The following FANCC variants were observed in gnomAD, a reference collection of about 807,000 sequenced individuals.
FANCC encodes the protein FA complementation group C.
A neutral mutation model predicts 71.3 loss-of-function variants in FANCC; 55 were observed. That is an observed-to-expected ratio of 0.77 (90% CI 0.62 to 0.97). FANCC has a LOEUF of 0.97. Ranked by LOEUF, FANCC falls within the 50% of genes least tolerant of loss-of-function variation. FANCC has a pLI of 0.00. For synonymous variants in FANCC, 275 were observed against 244.9 expected, an observed-to-expected ratio of 1.12 and a Z score of -1.15; for missense variants, 678 against 670.9, an observed-to-expected ratio of 1.01 and a Z score of -0.12.
rs1441497419 is a variant in FANCC at position 95,099,962 on chromosome 9, C to T, written c.*1745G>A. On this transcript the variant is annotated 3_prime_UTR_variant, in exon 15 of 15. Transcript: ENST00000289081. ...CACAGGACAGGGTGGAGGACTGTCC[C>T]AGGAGTCCCTCCACAACAGGAGGCC... The T allele has an allele frequency of 4.3e-6, 1 of 232,366 alleles. No homozygotes were observed. The highest frequency in any genetic ancestry group is 8.5e-6 in the Non-Finnish European group (1 of 117,592). 14.4% of individuals were successfully genotyped at this position (232,366 alleles called of 1,614,324 possible). A position where few individuals can be genotyped will look rare whatever the true frequency, so the allele number is the denominator to read the frequency against.
At chr9:95,266,629 T>C (rs1389854654) in intron 1 of FANCC, among the ~76,000 whole-genome samples, 2 of 152,220 alleles carry the variant, frequency 1.3e-5, no homozygotes, top group African/African-American at 4.8e-5. Flanking sequence ...TGCAGGCATT[T>C]AGGTGTGTGG....
chr9:95,290,292 C>T (rs1287704125), intron 1 of FANCC, among the ~76,000 whole-genome samples: 1 of 152,166 alleles, frequency 6.6e-6, no homozygotes, highest in Non-Finnish European at 1.5e-5. Context: ...ATATATGCTC[C>T]ATCTTGATCC....
intron 8 of FANCC, chr9:95,127,367 T>G (rs936916995): frequency 6.6e-6 from 1 of 152,188 alleles, no homozygotes; most frequent in African/African-American, 2.4e-5. Flanking sequence ...CGTAACTTTC[T>G]CGGCACCAGG....
intron 4 of FANCC, among the ~76,000 whole-genome samples, chr9:95,226,688 C>T (rs189812020): frequency 9.8e-5 from 15 of 152,298 alleles, no homozygotes; most frequent in African/African-American, 3.1e-4. Flanking sequence ...ACAAACTGCC[C>T]GGGTTCCCAG....
At position 95,125,143 on chromosome 9, in the gene FANCC, G is replaced by C; in HGVS notation, c.939C>G (p.Ala313=). ...AGCACTGCGTAAACACCTGAATAGT[G>C]GCTATGATTTCCAGGGCCCCATCGG... The part of the protein sequence containing the change: ...LETDGALEII[A]TIQVFTQCFV... Residue 313 remains alanine, a synonymous_variant, in exon 10 of 15, where the codon GCC becomes GCG. Coordinates refer to ENST00000289081, the MANE Select transcript of FANCC (RefSeq NM_000136.3). The C allele has an allele frequency of 6.2e-7, 1 of 1,614,154 alleles. No individual in the cohort carries two copies. The highest frequency in any genetic ancestry group is 8.5e-7 in the Non-Finnish European group (1 of 1,180,024).
intron 6 of FANCC, among the ~76,000 whole-genome samples, chr9:95,168,113 T>C (rs1825424807): frequency 6.6e-6 from 1 of 152,154 alleles, no homozygotes; most frequent in Non-Finnish European, 1.5e-5. Flanking sequence ...TCCCCTCCCC[T>C]CTAGTGTCCG....
rs772996041 is a variant in FANCC at position 95,150,011 on chromosome 9, C to G, written c.598G>C (p.Val200Leu). The G allele has an allele frequency of 3.5e-5, 57 of 1,613,904 alleles. No individual in the cohort carries two copies. The highest frequency in any genetic ancestry group is 4.8e-5 in the Non-Finnish European group (57 of 1,179,984). The part of the protein sequence containing the change: ...LITLTDVDPL[V>L]EALLICHGRE... Reference sequence around the variant, plus strand: ...CCATGACAGATGAGGAGAGCCTCCACCAGGGGGTCAACATCTGTCAGGGTA... The same window carrying G: ...CCATGACAGATGAGGAGAGCCTCCAGCAGGGGGTCAACATCTGTCAGGGTA... Residue 200 changes from valine to leucine, a missense_variant, in exon 7 of 15, where the codon GTG (valine) becomes CTG (leucine). Physicochemically the swap from Val to Leu is conservative, Grantham distance 32. Transcript: ENST00000289081.
chr9:95,248,522 TTTG>T (rs1490344055), intron 2 of FANCC, among the ~76,000 whole-genome samples: 9 of 152,314 alleles, frequency 5.9e-5, no homozygotes, highest in Admixed American at 1.3e-4. Context: ...ACAAGAACAC[TTTG>T]TTAAGTGACA....
intron 4 of FANCC, among the ~76,000 whole-genome samples, chr9:95,198,765 T>G (rs2098825437): frequency 6.6e-6 from 1 of 152,166 alleles, no homozygotes; most frequent in South Asian, 2.1e-4. Context: ...GACAGAGTCT[T>G]ACTAGAAACA....
intron 4 of FANCC, among the ~76,000 whole-genome samples, chr9:95,215,415 A>G (rs1050191640): frequency 1.3e-5 from 2 of 152,066 alleles, no homozygotes; most frequent in Admixed American, 1.3e-4. Context: ...GAGGATGGGA[A>G]AGAGGAGGAA....
chr9:95,304,360 T>C lies in FANCC; in HGVS notation c.-79+13166A>G, dbSNP rs140423739. Among the ~76,000 whole-genome samples, 211 of 152,248 alleles carry C rather than the reference T, an allele frequency of 1.4e-3. 1 individual carries two copies. Among genetic ancestry groups the C allele is most frequent in the African/African-American group, 4.9e-3 (205 of 41,546 alleles). The stretch of plus-strand genomic sequence containing the variant: ...TTCAAACAGGAAAGGGAGGGGTTCT[T>C]TGTACCTGCCCAGATTTTCTTCTCA... On this transcript the variant is annotated intron_variant, in intron 1 of 14. Transcript: ENST00000289081.
intron 1 of FANCC, among the ~76,000 whole-genome samples, chr9:95,290,410 A>G (rs149923537): frequency 6.6e-6 from 1 of 152,348 alleles, no homozygotes; most frequent in Non-Finnish European, 1.5e-5. Flanking sequence ...CAACACGAAC[A>G]TTAATCCTCA....
intron 4 of FANCC, among the ~76,000 whole-genome samples, chr9:95,194,596 C>T (rs567354584): frequency 3.3e-5 from 5 of 152,216 alleles, no homozygotes; most frequent in African/African-American, 1.2e-4. Context: ...TCCCCAATGG[C>T]TAATGATGTG....
chr9:95,167,970 G>A (rs1427635378), intron 6 of FANCC, among the ~76,000 whole-genome samples: 8 of 152,168 alleles, frequency 5.3e-5, no homozygotes, highest in Non-Finnish European at 7.3e-5. Context: ...TACAAAGGAA[G>A]GCTTTCACCA....
At chr9:95,129,605 CT>C (rs762609920) in intron 8 of FANCC, among the ~76,000 whole-genome samples, 29 of 152,272 alleles carry the variant, frequency 1.9e-4, no homozygotes, top group Non-Finnish European at 1.8e-4. Flanking sequence ...TAAAATAAAC[CT>C]TTTGTGGTTT....
intron 7 of FANCC, among the ~76,000 whole-genome samples, chr9:95,136,376 C>T (rs779189035): frequency 2.0e-5 from 3 of 151,988 alleles, no homozygotes; most frequent in Admixed American, 6.6e-5. Context: ...GAGCAAGACC[C>T]TGTCTCAAAA....
intron 4 of FANCC, among the ~76,000 whole-genome samples, chr9:95,234,722 C>T (rs898584764): frequency 1.3e-5 from 2 of 152,200 alleles, no homozygotes; most frequent in African/African-American, 2.4e-5. Flanking sequence ...AACACCATTA[C>T]AGTAGCCAGC....
chr9:95,287,126 C>T (rs573906343), intron 1 of FANCC, among the ~76,000 whole-genome samples: 10 of 152,176 alleles, frequency 6.6e-5, no homozygotes, highest in African/African-American at 2.4e-4. Context: ...GGTGTGGAAA[C>T]TAAGGAAAAG....
intron 8 of FANCC, among the ~76,000 whole-genome samples, chr9:95,133,433 G>GT (rs1375227765): frequency 3.3e-5 from 5 of 152,254 alleles, no homozygotes; most frequent in African/African-American, 1.2e-4. Flanking sequence ...AAAAGCTTTT[G>GT]TAAGTCAACT....
Sources: gnomAD v4.1 joint callset for allele counts (sites outside exome capture counted in the v4.1 genomes callset) on GRCh38, gnomAD v4.1.1 for gene constraint, MANE v1.5 for transcripts, NCBI Gene and HGNC (gene_info 2026-07-23, HGNC 2026-07-21) for gene names.